The following BCKDHB variants were observed in gnomAD, a reference collection of about 807,000 sequenced individuals.
The protein encoded by BCKDHB is branched chain keto acid dehydrogenase E1 subunit beta.
A neutral mutation model predicts 48.5 loss-of-function variants in BCKDHB; 41 were observed. That is an observed-to-expected ratio of 0.85 (90% CI 0.66 to 1.10). The LOEUF (loss-of-function observed/expected upper bound fraction) is 1.10, where lower values mean the gene tolerates loss of function less well. Ranked by LOEUF, BCKDHB falls within the 50% of genes least tolerant of loss-of-function variation. BCKDHB has a pLI of 0.00. For missense variants in BCKDHB, 496 were observed against 494.2 expected, an observed-to-expected ratio of 1.00 and a Z score of -0.03; for synonymous variants, 201 against 174.8, an observed-to-expected ratio of 1.15 and a Z score of -1.18.
intron 4 of BCKDHB, 43 bp downstream of exon 4, chr6:80,167,854 A>T (rs369090338): frequency 8.2e-6 from 13 of 1,594,728 alleles, no homozygotes; most frequent in Admixed American, 1.7e-5. Context: ...TCATTGAAAT[A>T]TTCAAGTATT....
At chr6:80,430,668 C>T in the BCKDHB span, among the ~76,000 whole-genome samples, 1 of 151,944 alleles carries the variant, frequency 6.6e-6, no homozygotes, top group Non-Finnish European at 1.5e-5. Context: ...CAGTGATATC[C>T]CCTTTATCAT....
At chr6:80,166,609 T>C (rs907266938) in intron 3 of BCKDHB, among the ~76,000 whole-genome samples, 3 of 151,554 alleles carry the variant, frequency 2.0e-5, no homozygotes, top group Non-Finnish European at 4.4e-5. Flanking sequence ...TGAGCTGAGA[T>C]TGCGCCATTG....
At chr6:80,157,579 C>T (rs959451029) in intron 3 of BCKDHB, among the ~76,000 whole-genome samples, 2 of 150,004 alleles carry the variant, frequency 1.3e-5, no homozygotes, top group Non-Finnish European at 1.5e-5. Flanking sequence ...AGTTCTCCTG[C>T]CTCAGCCTCC....
In BCKDHB at chr6:80,252,823, A is replaced by G. The variant is rs532528069; in HGVS notation, c.952-20312A>G. Among the ~76,000 whole-genome samples the G allele has an allele frequency of 2.0e-5, 3 of 152,332 alleles. No homozygotes were observed. The East Asian group carries it at 5.8e-4, about 29-fold the overall frequency. On this transcript the variant is annotated intron_variant, in intron 8 of 9. Transcript: ENST00000320393. ...ATAAAAGATTTAATTGGACTGTTAC[A>G]ACCTACTCTCACACAGTTTAAACAA...
At chr6:80,375,161 G>A in the BCKDHB span, among the ~76,000 whole-genome samples, 1 of 152,094 alleles carries the variant, frequency 6.6e-6, no homozygotes, top group Non-Finnish European at 1.5e-5. Context: ...AATTTCCCAG[G>A]TGTTCTTTGA....
the BCKDHB span, among the ~76,000 whole-genome samples, chr6:80,351,348 TC>T: frequency 6.6e-6 from 1 of 152,206 alleles, no homozygotes; most frequent in Non-Finnish European, 1.5e-5. Flanking sequence ...AGTAGAATAC[TC>T]ATTCAAAACT....
chr6:80,248,075 A>G (rs1776686893), intron 8 of BCKDHB, among the ~76,000 whole-genome samples: 1 of 152,172 alleles, frequency 6.6e-6, no homozygotes, highest in Non-Finnish European at 1.5e-5. Context: ...GGTTGTTATT[A>G]ATTTTTACTA....
chr6:80,269,000 G>A (rs966451347), intron 8 of BCKDHB, among the ~76,000 whole-genome samples: 1 of 152,056 alleles, frequency 6.6e-6, no homozygotes, highest in Admixed American at 6.6e-5. Flanking sequence ...TGCTAAGAAT[G>A]CAATAGCATA....
At chr6:80,323,510 T>C (rs1160507564) in intron 9 of BCKDHB, among the ~76,000 whole-genome samples, 4 of 152,210 alleles carry the variant, frequency 2.6e-5, no homozygotes, top group African/African-American at 9.6e-5. Flanking sequence ...GTAAATGGGC[T>C]TACATTCTAG....
rs1418795826 is a variant in BCKDHB, at chr6:80,273,137, T to C, written c.954T>C (p.Ser318=). The change falls in exon 9 of 10, where the codon TCT becomes TCC. Residue 318 remains serine (S), a splice_region_variant and synonymous_variant. Transcript: ENST00000320393. The part of the protein sequence containing the change: ...IPWDVDTICK[S]VIKTGRLLIS... ...CAGGTTTTTCTTTTCTCTTTCAGTCTGTGATCAAAACAGGGCGACTGCTAA... is the reference window on the plus strand; with the variant it reads ...CAGGTTTTTCTTTTCTCTTTCAGTCCGTGATCAAAACAGGGCGACTGCTAA... 1 of 1,613,072 alleles carries C rather than the reference T, an allele frequency of 6.2e-7. No individual in the cohort carries two copies. Among genetic ancestry groups the C allele is most frequent in the African/African-American group, 1.3e-5 (1 of 75,016 alleles).
chr6:80,278,079 C>T (rs943600198), intron 9 of BCKDHB, among the ~76,000 whole-genome samples: 1 of 152,116 alleles, frequency 6.6e-6, no homozygotes, highest in African/African-American at 2.4e-5. Flanking sequence ...TTCTGGAAAA[C>T]ATGTTTCATT....
At chr6:80,353,548 T>TG in the BCKDHB span, among the ~76,000 whole-genome samples, 1 of 151,968 alleles carries the variant, frequency 6.6e-6, no homozygotes, top group Non-Finnish European at 1.5e-5. Context: ...TGTTTTTTTT[T>TG]GTCTTTTAAT....
chr6:80,224,833 G>A (rs955755824), intron 8 of BCKDHB, among the ~76,000 whole-genome samples: 39 of 152,194 alleles, frequency 2.6e-4, no homozygotes, highest in Non-Finnish European at 4.6e-4. Flanking sequence ...AGCCAAAAGT[G>A]CACAGACTTT....
intron 8 of BCKDHB, among the ~76,000 whole-genome samples, chr6:80,263,347 A>G (rs1277813952): frequency 6.6e-6 from 1 of 152,332 alleles, no homozygotes; most frequent in Admixed American, 6.5e-5. Context: ...TGTCACATTA[A>G]TAACTTAGAT....
chr6:80,447,109 AT>A, the BCKDHB span, among the ~76,000 whole-genome samples: 1 of 152,160 alleles, frequency 6.6e-6, no homozygotes, highest in African/African-American at 2.4e-5. Flanking sequence ...GTGCTAAATA[AT>A]AAAAACTAGT....
chr6:80,355,807 A>G, the BCKDHB span: 4 of 152,226 alleles, frequency 2.6e-5, no homozygotes, highest in African/African-American at 9.7e-5. Context: ...TCCCAGCAGA[A>G]ATATCTGCTG....
At chr6:80,255,754 A>G (rs995254964) in intron 8 of BCKDHB, among the ~76,000 whole-genome samples, 1 of 152,340 alleles carries the variant, frequency 6.6e-6, no homozygotes, top group African/African-American at 2.4e-5. Flanking sequence ...CCTCTGGACT[A>G]TATCTTAGCC....
the BCKDHB span, among the ~76,000 whole-genome samples, chr6:80,427,133 C>A: frequency 3.3e-5 from 5 of 151,934 alleles, no homozygotes; most frequent in Non-Finnish European, 5.9e-5. Context: ...CTAAAAATGA[C>A]CTTCATCTGA....
intron 3 of BCKDHB, among the ~76,000 whole-genome samples, chr6:80,130,337 G>A (rs1315334511): frequency 1.3e-5 from 2 of 152,156 alleles, no homozygotes; most frequent in African/African-American, 2.4e-5. Context: ...CGGGGCAAGA[G>A]GAGTGAGGGT....
Sources: gnomAD v4.1 joint callset for allele counts (sites outside exome capture counted in the v4.1 genomes callset) on GRCh38, gnomAD v4.1.1 for gene constraint, MANE v1.5 for transcripts, NCBI Gene and HGNC (gene_info 2026-07-23, HGNC 2026-07-21) for gene names.